PLSCR2: variants seen among roughly 807,000 people sequenced by gnomAD.
The protein encoded by PLSCR2 is phospholipid scramblase 2, also known as PL scramblase 2.
In PLSCR2, 18 loss-of-function variants were observed where a neutral mutation model predicts 25.3. The observed-to-expected ratio is 0.71, with a 90% CI of 0.49 to 1.06. The LOEUF is 1.06. Ranked by LOEUF, PLSCR2 falls within the 50% of genes least tolerant of loss-of-function variation. The pLI, the probability that PLSCR2 is intolerant of heterozygous loss-of-function variation, is 0.00. For missense variants in PLSCR2, 243 were observed against 269.5 expected (o/e 0.90, Z 0.69); for synonymous variants, 88 against 87.3 (o/e 1.01, Z -0.04).
At chr3:146,419,631 T>C (rs1353624395) in intron 2 of PLSCR2, among the ~76,000 whole-genome samples, 1 of 152,098 alleles carries the variant, frequency 6.6e-6, no homozygotes, top group Non-Finnish European at 1.5e-5. Context: ...TTCTAGGGGC[T>C]CTAAGGAAAC....
intron 1 of PLSCR2, among the ~76,000 whole-genome samples, chr3:146,471,464 T>C (rs2042116948): frequency 6.6e-6 from 1 of 152,214 alleles, no homozygotes; most frequent in South Asian, 2.1e-4. Flanking sequence ...GTCTGAAATA[T>C]AATGCTCATT....
chr3:146,407,760 C>T (rs1021861824), intron 2 of PLSCR2, among the ~76,000 whole-genome samples: 4 of 151,922 alleles, frequency 2.6e-5, no homozygotes, highest in African/African-American at 7.3e-5. Context: ...CAGCTTTTTG[C>T]GCTGAGGTGT....
chr3:146,420,959 T>G (rs140220038), intron 2 of PLSCR2, among the ~76,000 whole-genome samples: 3 of 151,976 alleles, frequency 2.0e-5, no homozygotes, highest in Non-Finnish European at 2.9e-5. Flanking sequence ...ATCAAAAAGA[T>G]GAGCCTTAGA....
downstream of PLSCR2, among the ~76,000 whole-genome samples, chr3:146,441,290 A>G (rs1366368920): frequency 2.0e-5 from 3 of 152,120 alleles, no homozygotes; most frequent in Non-Finnish European, 1.5e-5. Flanking sequence ...TTAGCATGGT[A>G]AAAGAAACTG....
chr3:146,401,409 C>A (rs960342531), intron 2 of PLSCR2: 2 of 152,446 alleles, frequency 1.3e-5, no homozygotes, highest in Non-Finnish European at 2.9e-5. Flanking sequence ...TACATCTCTA[C>A]CTACATTATC....
At chr3:146,409,342 G>A (rs2038767508) in intron 2 of PLSCR2, among the ~76,000 whole-genome samples, 1 of 152,092 alleles carries the variant, frequency 6.6e-6, no homozygotes, top group African/African-American at 2.4e-5. Flanking sequence ...GGGACTGGGT[G>A]AGGGAGACTC....
chr3:146,432,784 T>G (rs1220427671), downstream of PLSCR2, among the ~76,000 whole-genome samples: 4 of 152,174 alleles, frequency 2.6e-5, no homozygotes, highest in Admixed American at 1.3e-4. Flanking sequence ...AACTATTCTA[T>G]TACTACCTAA....
At chr3:146,439,937 G>A (rs189665244), downstream of PLSCR2, among the ~76,000 whole-genome samples, 2 of 152,256 alleles carry the variant, frequency 1.3e-5, no homozygotes, top group Admixed American at 1.3e-4. Context: ...TGATGGTGAC[G>A]TACAGATGGG....
intron 6 of PLSCR2, among the ~76,000 whole-genome samples, chr3:146,445,448 G>GT (rs919157367): frequency 5.9e-5 from 9 of 151,740 alleles, no homozygotes; most frequent in Admixed American, 2.0e-4. Flanking sequence ...TATGATCAAC[G>GT]TTTTTTTTCC....
intron 6 of PLSCR2, among the ~76,000 whole-genome samples, chr3:146,447,115 G>A (rs1477186060): frequency 6.6e-6 from 1 of 152,108 alleles, no homozygotes; most frequent in Admixed American, 6.6e-5. Flanking sequence ...GCCCAGCACA[G>A]GTCCATAAAT....
At chr3:146,452,424 T>C (rs2040957119) in intron 5 of PLSCR2, among the ~76,000 whole-genome samples, 1 of 152,110 alleles carries the variant, frequency 6.6e-6, no homozygotes, top group Non-Finnish European at 1.5e-5. Context: ...CACTAGCACA[T>C]AGAACCTAGG....
downstream of PLSCR2, among the ~76,000 whole-genome samples, chr3:146,439,603 A>G (rs1316848795): frequency 6.6e-6 from 1 of 152,140 alleles, no homozygotes; most frequent in Non-Finnish European, 1.5e-5. Context: ...TTCTTGTGCC[A>G]TGGTTTTCAA....
chr3:146,441,082 TA>T (rs2040214593), downstream of PLSCR2, among the ~76,000 whole-genome samples: 1 of 152,104 alleles, frequency 6.6e-6, no homozygotes, highest in African/African-American at 2.4e-5. Context: ...CTGAAAACCA[TA>T]AAAAATTGCT....
At chr3:146,401,210 C>T (rs1048228344) in intron 2 of PLSCR2, 7 of 152,204 alleles carry the variant, frequency 4.6e-5, no homozygotes, top group Admixed American at 4.6e-4. Flanking sequence ...GGATGATTCT[C>T]ACCCTATACT....
At chr3:146,492,442 C>T (rs1435981782) in intron 1 of PLSCR2, among the ~76,000 whole-genome samples, 15 of 152,060 alleles carry the variant, frequency 9.9e-5, no homozygotes, top group Admixed American at 9.8e-4. Flanking sequence ...AAATCATACT[C>T]ATCACAGTCT....
chr3:146,412,748 C>T (rs946906891), intron 2 of PLSCR2, among the ~76,000 whole-genome samples: 8 of 152,136 alleles, frequency 5.3e-5, no homozygotes, highest in African/African-American at 1.9e-4. Flanking sequence ...GCCCCTACTG[C>T]TGTGTCGTTC....
chr3:146,394,566 C>T (rs2038209350), intron 3 of PLSCR2, among the ~76,000 whole-genome samples: 1 of 152,108 alleles, frequency 6.6e-6, no homozygotes. Flanking sequence ...GTGCCTGGAC[C>T]AATTTAACAA....
Position 146,478,745 on chromosome 3 carries a change from A to G in PLSCR2, c.-293+17150T>C, listed in dbSNP as rs186368099. On this transcript the variant is annotated intron_variant, in intron 1 of 8. Coordinates refer to the PLSCR2 transcript ENST00000336685. ...TTCAAATTCAGGAAACATAGAGAAC[A>G]CCACAAAGATACTCCTCGAGAGGAG... 2.4e-3 allele frequency among the ~76,000 whole-genome samples: 363 copies of G among 152,286 alleles called. 2 individuals carry two copies. The highest frequency in any genetic ancestry group is 8.2e-3 in the African/African-American group (341 of 41,570).
chr3:146,438,433 A>T (rs1319231223), downstream of PLSCR2, among the ~76,000 whole-genome samples: 1 of 152,104 alleles, frequency 6.6e-6, no homozygotes, highest in Non-Finnish European at 1.5e-5. Context: ...GTCTCTAAGG[A>T]CTTGCTTTAT....
Sources: gnomAD v4.1 joint callset for allele counts (sites outside exome capture counted in the v4.1 genomes callset) on GRCh38, gnomAD v4.1.1 for gene constraint, MANE v1.5 for transcripts, NCBI Gene and HGNC (gene_info 2026-07-23, HGNC 2026-07-21) for gene names.